The following ATCAY variants were observed in gnomAD, a reference collection of about 807,000 sequenced individuals.
ATCAY encodes ATCAY kinesin light chain interacting caytaxin.
ATCAY carries 22 observed loss-of-function variants against 47.7 expected under a neutral mutation model. The ratio of observed to expected loss-of-function variants is 0.46; its 90% CI spans 0.33 to 0.66. The LOEUF is 0.66. Ranked by LOEUF, ATCAY falls within the 30% of genes least tolerant of loss-of-function variation. ATCAY has a pLI of 0.02. For synonymous variants in ATCAY, 216 were observed against 207.6 expected (o/e 1.04, Z -0.35); for missense variants, 452 against 515.0 (o/e 0.88, Z 1.18).
intron 8 of ATCAY, 122 bp from the exon 9 acceptor site, chr19:3,913,636 C>T (rs1599144515): frequency 5.6e-6 from 4 of 708,622 alleles, no homozygotes; most frequent in Middle Eastern, 2.4e-4. Context: ...TCGTCGTCTG[C>T]ACTGGGGCAT....
In ATCAY at chr19:3,907,161, T is replaced by G. The variant is rs892260360; in HGVS notation, c.359-573T>G. ...AAAAAAAAGAAAGAAAAAAAAAAATTAAGGACAATGTAGTGGCTCATTCCT... is the reference window on the plus strand; with the variant it reads ...AAAAAAAAGAAAGAAAAAAAAAAATGAAGGACAATGTAGTGGCTCATTCCT... On this transcript the variant is annotated intron_variant, in intron 4 of 12. Transcript: ENST00000450849. This position sits in a 1 kb window ranked among gnomAD's most constrained non-coding sequence, Gnocchi z 5.1. Among the ~76,000 whole-genome samples the G allele has an allele frequency of 6.8e-6, 1 of 147,908 alleles. No individual in the cohort carries two copies. The highest frequency in any genetic ancestry group is 2.5e-5 in the African/African-American group (1 of 39,842).
At chr19:3,890,382 C>T (rs2038706564) in intron 2 of ATCAY, among the ~76,000 whole-genome samples, 1 of 149,726 alleles carries the variant, frequency 6.7e-6, no homozygotes, top group Admixed American at 6.7e-5. Context: ...CCCACCTCAG[C>T]CTCCCGAGTA....
intron 9 of ATCAY, among the ~76,000 whole-genome samples, chr19:3,916,907 A>G (rs2038971133): frequency 6.6e-6 from 1 of 151,262 alleles, no homozygotes; most frequent in Non-Finnish European, 1.5e-5. Flanking sequence ...TTCTACGTTC[A>G]AGGGATTCTC....
intron 2 of ATCAY, among the ~76,000 whole-genome samples, chr19:3,888,881 T>C (rs1416551178): frequency 6.6e-6 from 1 of 151,814 alleles, no homozygotes; most frequent in Non-Finnish European, 1.5e-5. Flanking sequence ...ACTTCAGCCC[T>C]CTCCTGAATC....
chr19:3,882,963 T>C (rs2038615011), intron 1 of ATCAY, among the ~76,000 whole-genome samples: 1 of 152,046 alleles, frequency 6.6e-6, no homozygotes, highest in East Asian at 1.9e-4. Context: ...TGTATTTTTT[T>C]TTTGAGAGAT....
chr19:3,918,399 A>T (rs1329769216), intron 10 of ATCAY, among the ~76,000 whole-genome samples: 1 of 136,570 alleles, frequency 7.3e-6, no homozygotes, highest in Non-Finnish European at 1.6e-5. Flanking sequence ...AAAAAAAAAA[A>T]TAAATTAGCC....
At chr19:3,891,074 CAG>C (rs2145226157) in intron 2 of ATCAY, among the ~76,000 whole-genome samples, 1 of 147,552 alleles carries the variant, frequency 6.8e-6, no homozygotes, top group Admixed American at 6.9e-5. Context: ...TTTTTGGAGA[CAG>C]AGTCTCAGTG....
At position 3,920,926 on chromosome 19, in the gene ATCAY, C is replaced by T. The variant is rs375480280; in HGVS notation, c.1106+128C>T. ...CAGCAAATATAAAGCAGGCAGGGAT[C>T]CTAATCCCAGGAAAACTGCCCCATG... On this transcript the variant is annotated intron_variant, in intron 12 of 12. Transcript: ENST00000450849. 429 of 1,175,716 alleles carry T rather than the reference C, an allele frequency of 3.6e-4. 5 individuals are homozygous for T. In the South Asian group the frequency reaches 5.4e-3, roughly 15 times the overall value. 72.8% of individuals were successfully genotyped at this position (1,175,716 alleles called of 1,614,324 possible).
chr19:3,926,940 G>C lies in ATCAY; in HGVS notation c.*2348G>C, dbSNP rs2039072128. 1 of 152,254 alleles carries C rather than the reference G, an allele frequency of 6.6e-6. No homozygotes were observed. Among genetic ancestry groups the C allele is most frequent in the Admixed American group, 6.5e-5 (1 of 15,276 alleles). 9.4% of individuals were successfully genotyped at this position (152,254 alleles called of 1,614,324 possible). A position where few individuals can be genotyped will look rare whatever the true frequency, so the allele number is the denominator to read the frequency against. The stretch of plus-strand genomic sequence containing the variant: ...AAGCCAACACAAGATGACAAAAGTG[G>C]CTGGGTACGGTGGCTCACGCCTATA... On this transcript the variant is annotated 3_prime_UTR_variant, in exon 13 of 13. Coordinates refer to ENST00000450849, the MANE Select transcript of ATCAY (RefSeq NM_033064.5).
intron 1 of ATCAY, among the ~76,000 whole-genome samples, chr19:3,882,742 C>G (rs536328538): frequency 1.3e-5 from 2 of 152,218 alleles, no homozygotes; most frequent in Admixed American, 1.3e-4. Context: ...CTCCTGGGCT[C>G]AGGCAATCCT....
chr19:3,887,904 T>C (rs1157589631), intron 2 of ATCAY, among the ~76,000 whole-genome samples: 1 of 151,296 alleles, frequency 6.6e-6, no homozygotes, highest in Non-Finnish European at 1.5e-5. Flanking sequence ...GTCAGGAATT[T>C]GAGACCAGCC....
At chr19:3,895,617 C>T (rs1477349997) in intron 2 of ATCAY, among the ~76,000 whole-genome samples, 1 of 151,966 alleles carries the variant, frequency 6.6e-6, no homozygotes, top group Non-Finnish European at 1.5e-5. Context: ...TGCTCAGACT[C>T]TCTGAGACTC....
chr19:3,907,652 G>C lies in ATCAY; in HGVS notation c.359-82G>C. On this transcript the variant is annotated intron_variant, in intron 4 of 12. Coordinates refer to ENST00000450849, the MANE Select transcript of ATCAY (RefSeq NM_033064.5). The surrounding 1 kb of genome is among the most constrained non-coding windows in gnomAD (Gnocchi z 5.1). Reference sequence around the variant, plus strand: ...TGGGTCCCGGCAGCGAGGGAGGTGGGAGAGGGGAAGGAAGGCTGAGCAGGA... The same window carrying C: ...TGGGTCCCGGCAGCGAGGGAGGTGGCAGAGGGGAAGGAAGGCTGAGCAGGA... The C allele has an allele frequency of 6.5e-7, 1 of 1,532,926 alleles. No homozygotes were observed. Among genetic ancestry groups the C allele is most frequent in the South Asian group, 1.2e-5 (1 of 86,074 alleles). The allele number at this position is 1,532,926 out of a possible 1,614,324, so 95.0% of individuals were successfully genotyped here.
intron 9 of ATCAY, among the ~76,000 whole-genome samples, chr19:3,915,409 C>T (rs1568452201): frequency 6.6e-6 from 1 of 151,628 alleles, no homozygotes; most frequent in Non-Finnish European, 1.5e-5. Flanking sequence ...GGTCTCAAAC[C>T]CCTGACCTCA....
At chr19:3,895,345 G>A in intron 2 of ATCAY, 1 of 411,614 alleles carries the variant, frequency 2.4e-6, no homozygotes. Flanking sequence ...CTCCTGAGTA[G>A]CTGGGGTTAC....
At chr19:3,916,800 G>T (rs2038970217) in intron 9 of ATCAY, among the ~76,000 whole-genome samples, 3 of 150,084 alleles carry the variant, frequency 2.0e-5, no homozygotes, top group Non-Finnish European at 4.4e-5. Context: ...TTGTTGTTTT[G>T]TTGGGGTTTT....
At position 3,924,826 on chromosome 19, in the gene ATCAY, C is replaced by G. The variant is rs1157375440; in HGVS notation, c.*234C>G. The G allele has an allele frequency of 3.7e-6, 2 of 537,408 alleles. No homozygotes were observed. The highest frequency in any genetic ancestry group is 3.3e-6 in the Non-Finnish European group (1 of 300,018). 33.3% of individuals were successfully genotyped at this position (537,408 alleles called of 1,614,324 possible). A position where few individuals can be genotyped will look rare whatever the true frequency, so the allele number is the denominator to read the frequency against. On this transcript the variant is annotated 3_prime_UTR_variant, in exon 13 of 13. Coordinates refer to ENST00000450849, the MANE Select transcript of ATCAY (RefSeq NM_033064.5). ...GTGCGTTCCAGAAAAGGGCCCAGCT[C>G]TGAGCCCCTCACCCTTCCACACTCA... is the stretch of plus-strand genomic sequence containing the variant.
intron 1 of ATCAY, among the ~76,000 whole-genome samples, chr19:3,885,488 A>T (rs1006720832): frequency 6.6e-6 from 1 of 151,700 alleles, no homozygotes; most frequent in Admixed American, 6.6e-5. Context: ...TGGAAGGTGG[A>T]TGTTGCAGTG....
chr19:3,881,876 C>CCA (rs2038604539), intron 1 of ATCAY, among the ~76,000 whole-genome samples: 77 of 139,806 alleles, frequency 5.5e-4, no homozygotes, highest in African/African-American at 2.1e-3. Flanking sequence ...GCCCCCCCCC[C>CCA]GACCCCATAG....
Sources: gnomAD v4.1 joint callset for allele counts (sites outside exome capture counted in the v4.1 genomes callset) on GRCh38, gnomAD v4.1.1 for gene constraint, Gnocchi (gnomAD v3.1) non-coding constraint, MANE v1.5 for transcripts, NCBI Gene and HGNC (gene_info 2026-07-23, HGNC 2026-07-21) for gene names.